Variants in EPSTI1 observed in about 807,000 individuals in gnomAD.
The protein encoded by EPSTI1 is epithelial stromal interaction 1, also known as epithelial-stromal interaction protein 1.
A neutral mutation model predicts 49.9 loss-of-function variants in EPSTI1; 66 were observed. The ratio of observed to expected loss-of-function variants is 1.32; its 90% CI spans 1.08 to 1.62. EPSTI1 has a LOEUF of 1.62. Among genes scored for constraint, EPSTI1 ranks in the 40% most tolerant of loss-of-function variants. The pLI, the probability that EPSTI1 is intolerant of heterozygous loss-of-function variation, is 0.00. For synonymous variants in EPSTI1, 137 were observed against 130.7 expected (o/e 1.05, Z -0.33); for missense variants, 394 against 365.5 (o/e 1.08, Z -0.64).
Position 42,888,424 on chromosome 13 carries a change from A to T in EPSTI1, c.*70T>A. 6.2e-7 allele frequency: 1 copy of T among 1,614,176 alleles called. No individual in the cohort carries two copies. The highest frequency in any genetic ancestry group is 2.2e-5 in the East Asian group (1 of 44,868). On this transcript the variant is annotated 3_prime_UTR_variant, in exon 11 of 11. Transcript: ENST00000313624. Reference sequence around the variant, plus strand: ...AAACAGTGAGGCTGAACAAAATCACATTAAGAAAAAGCATCTCATGAGGCT... The same window carrying T: ...AAACAGTGAGGCTGAACAAAATCACTTTAAGAAAAAGCATCTCATGAGGCT...
intron 1 of EPSTI1, among the ~76,000 whole-genome samples, chr13:42,971,207 G>A (rs1031080558): frequency 1.4e-4 from 22 of 152,120 alleles, no homozygotes; most frequent in Admixed American, 1.4e-3. Context: ...TCAGGGGCTC[G>A]GAGAAGCAAG....
At chr13:42,947,311 A>G (rs199583564) in intron 6 of EPSTI1, among the ~76,000 whole-genome samples, 3 of 151,970 alleles carry the variant, frequency 2.0e-5, no homozygotes, top group South Asian at 2.1e-4. Flanking sequence ...TCAAAAAAAA[A>G]GTACTTAGTA....
At chr13:42,942,904 G>A (rs1248209829) in intron 6 of EPSTI1, among the ~76,000 whole-genome samples, 1 of 151,654 alleles carries the variant, frequency 6.6e-6, no homozygotes, top group Non-Finnish European at 1.5e-5. Context: ...TAGCCAGGAT[G>A]GTCTCGATCT....
At chr13:42,976,646 T>C (rs1014742853) in intron 1 of EPSTI1, among the ~76,000 whole-genome samples, 1 of 152,164 alleles carries the variant, frequency 6.6e-6, no homozygotes, top group African/African-American at 2.4e-5. Flanking sequence ...TATCTATAAC[T>C]TAAAGGAAAA....
At chr13:42,982,301 C>G (rs2039999984) in intron 1 of EPSTI1, among the ~76,000 whole-genome samples, 1 of 152,192 alleles carries the variant, frequency 6.6e-6, no homozygotes, top group Non-Finnish European at 1.5e-5. Context: ...ATGGCAACAT[C>G]AGGAAGTTAC....
intron 6 of EPSTI1, among the ~76,000 whole-genome samples, chr13:42,935,981 T>C (rs1264728011): frequency 1.3e-5 from 2 of 152,182 alleles, no homozygotes; most frequent in Non-Finnish European, 2.9e-5. Flanking sequence ...GAGAAATAAG[T>C]CTTTCATCTT....
chr13:42,924,061 G>A (rs1196400674), intron 7 of EPSTI1, among the ~76,000 whole-genome samples: 2 of 152,170 alleles, frequency 1.3e-5, no homozygotes, highest in Non-Finnish European at 2.9e-5. Flanking sequence ...TTTTTACAAA[G>A]AAATGTTCTT....
intron 1 of EPSTI1, among the ~76,000 whole-genome samples, chr13:42,973,998 A>T (rs1594754357): frequency 1.3e-5 from 2 of 152,248 alleles, no homozygotes; most frequent in East Asian, 3.8e-4. Context: ...AGACAAGATA[A>T]AATGTTTTTC....
At chr13:42,990,504 A>G (rs2040174662) in intron 1 of EPSTI1, among the ~76,000 whole-genome samples, 2 of 152,242 alleles carry the variant, frequency 1.3e-5, no homozygotes, top group South Asian at 4.1e-4. Context: ...ATCGTTAACT[A>G]TTCATGGACA....
chr13:42,952,918 GA>G (rs1421405958), intron 6 of EPSTI1, among the ~76,000 whole-genome samples: 1 of 152,208 alleles, frequency 6.6e-6, no homozygotes, highest in Non-Finnish European at 1.5e-5. Flanking sequence ...ACTGTGCTTA[GA>G]GGGGGAATAT....
intron 10 of EPSTI1, among the ~76,000 whole-genome samples, chr13:42,890,296 CTTT>C (rs71202241): frequency 2.6e-5 from 3 of 116,288 alleles, no homozygotes; most frequent in Non-Finnish European, 5.4e-5. Flanking sequence ...TTTTTCTTTT[CTTT>C]TTTTTTTTTT....
intron 1 of EPSTI1, among the ~76,000 whole-genome samples, chr13:42,977,843 G>C (rs530561765): frequency 1.3e-5 from 2 of 152,276 alleles, no homozygotes; most frequent in Admixed American, 1.3e-4. Flanking sequence ...TCTGAGGCAG[G>C]CCTCAGTTAA....
At chr13:42,919,240 G>A (rs2037925611) in intron 7 of EPSTI1, 3 of 1,534,720 alleles carry the variant, frequency 2.0e-6, no homozygotes, top group Non-Finnish European at 2.7e-6. Flanking sequence ...AAACTGGGAA[G>A]TCACATGGCA....
At chr13:42,984,668 GAA>G (rs2040047031) in intron 1 of EPSTI1, among the ~76,000 whole-genome samples, 1 of 152,122 alleles carries the variant, frequency 6.6e-6, no homozygotes, top group Non-Finnish European at 1.5e-5. Flanking sequence ...TTTTTAAGGA[GAA>G]AAGAGAAAAA....
At chr13:42,950,617 C>T (rs181030639) in intron 6 of EPSTI1, among the ~76,000 whole-genome samples, 3 of 152,266 alleles carry the variant, frequency 2.0e-5, no homozygotes, top group Non-Finnish European at 4.4e-5. Flanking sequence ...TCTCCAGCAA[C>T]TTGGATTTAT....
chr13:42,949,258 G>A (rs1036865420), intron 6 of EPSTI1, among the ~76,000 whole-genome samples: 1 of 152,198 alleles, frequency 6.6e-6, no homozygotes, highest in Admixed American at 6.5e-5. Flanking sequence ...CCAGATCAAG[G>A]AGAGATAAGT....
At position 42,970,643 on chromosome 13, in the gene EPSTI1, T is replaced by G. The variant is rs752420313; in HGVS notation, c.216A>C (p.Pro72=). 2.5e-5 allele frequency: 40 copies of G among 1,611,140 alleles called. No homozygotes were observed. The East Asian group carries it at 8.0e-4, about 32-fold the overall frequency. Residue 72 remains proline, a synonymous_variant, in exon 2 of 11, where the codon CCA becomes CCC. Coordinates refer to ENST00000313624, the MANE Select transcript of EPSTI1 (RefSeq NM_033255.5). ...GTATCTCATTTCTCCGGTTTATATTTGGTGCTATCAAGGTGTATGCACTTG... is the reference window on the plus strand; with the variant it reads ...GTATCTCATTTCTCCGGTTTATATTGGGTGCTATCAAGGTGTATGCACTTG... ...RRTSAYTLIA[P]NINRRNEIQR... is the part of the protein sequence containing the mutation.
At chr13:42,950,222 G>A (rs147361313) in intron 6 of EPSTI1, among the ~76,000 whole-genome samples, 7 of 152,296 alleles carry the variant, frequency 4.6e-5, no homozygotes, top group East Asian at 3.9e-4. Context: ...GCTCTCAGCC[G>A]CTCATTGAAA....
chr13:42,989,567 C>CTTTTTTTTTTTTTTTTTTTTTTTTT, intron 1 of EPSTI1, among the ~76,000 whole-genome samples: 10 of 79,014 alleles, frequency 1.3e-4, no homozygotes, highest in African/African-American at 1.8e-4. Flanking sequence ...CCTCTTTTTT[C>CTTTTTTTTTTTTTTTTTTTTTTTTT]TTTTTTTTTT....
Sources: gnomAD v4.1 joint callset for allele counts (sites outside exome capture counted in the v4.1 genomes callset) on GRCh38, gnomAD v4.1.1 for gene constraint, MANE v1.5 for transcripts, NCBI Gene and HGNC (gene_info 2026-07-23, HGNC 2026-07-21) for gene names.